PRKN: variants seen among roughly 807,000 people sequenced by gnomAD.
The protein encoded by PRKN is E3 ubiquitin-protein ligase parkin.
Under a neutral mutation model 59.5 loss-of-function variants are expected in PRKN, and 56 were observed. That is an observed-to-expected ratio of 0.94 (90% CI 0.76 to 1.18). The LOEUF (loss-of-function observed/expected upper bound fraction) is 1.18. PRKN is among the 50% of genes most tolerant of loss of function. PRKN has a pLI of 0.00. For missense variants in PRKN, 657 were observed against 596.4 expected (o/e 1.10, Z -1.06); for synonymous variants, 250 against 222.1 (o/e 1.13, Z -1.12).
intron 3 of PRKN, among the ~76,000 whole-genome samples, chr6:162,211,164 C>A (rs887044800): frequency 2.0e-5 from 3 of 152,146 alleles, no homozygotes; most frequent in Admixed American, 2.0e-4. Context: ...GGGACTGATT[C>A]CATGGCTCTT....
In PRKN at chr6:161,547,381, T is replaced by C. The variant is rs2115423030; in HGVS notation, c.1083+1473A>G. Reference sequence around the variant, plus strand: ...ATGATTTGCAGCTTAAGTATGTATGTTATTTACTTATAATTTACTTGTATA... The same window carrying C: ...ATGATTTGCAGCTTAAGTATGTATGCTATTTACTTATAATTTACTTGTATA... On this transcript the variant is annotated intron_variant, in intron 9 of 11. Coordinates refer to ENST00000366898, the MANE Select transcript of PRKN (RefSeq NM_004562.3). This position sits in a 1 kb window ranked among gnomAD's most constrained non-coding sequence, Gnocchi z 4.0. 6.6e-6 allele frequency among the ~76,000 whole-genome samples: 1 copy of C among 152,304 alleles called. No individual in the cohort carries two copies. Among genetic ancestry groups the C allele is most frequent in the Middle Eastern group, 3.4e-3 (1 of 294 alleles).
intron 6 of PRKN, among the ~76,000 whole-genome samples, chr6:161,880,679 C>T (rs1265956651): frequency 1.3e-5 from 2 of 152,104 alleles, no homozygotes; most frequent in Non-Finnish European, 1.5e-5. Flanking sequence ...ACAAGGAGGC[C>T]CACTTATATT....
intron 6 of PRKN, among the ~76,000 whole-genome samples, chr6:161,803,939 A>G (rs1791200261): frequency 6.6e-6 from 1 of 152,186 alleles, no homozygotes; most frequent in African/African-American, 2.4e-5. Context: ...AGAAGATGGA[A>G]CCAAAGAAGG....
At chr6:162,375,546 T>C (rs527400082) in intron 2 of PRKN, among the ~76,000 whole-genome samples, 4 of 152,158 alleles carry the variant, frequency 2.6e-5, no homozygotes, top group South Asian at 2.1e-4. Flanking sequence ...TGGAACGTTC[T>C]AGATTTTGGA....
At chr6:161,887,445 T>C (rs9365337) in intron 6 of PRKN, among the ~76,000 whole-genome samples, 1 of 151,970 alleles carries the variant, frequency 6.6e-6, no homozygotes. Flanking sequence ...GGACTATAAA[T>C]CCTATTTGTA....
intron 1 of PRKN, among the ~76,000 whole-genome samples, chr6:162,644,524 C>T (rs1778089579): frequency 1.3e-5 from 2 of 152,164 alleles, no homozygotes; most frequent in South Asian, 4.1e-4. Context: ...GAAGCCTTTT[C>T]CCAAAGCCTT....
intron 1 of PRKN, among the ~76,000 whole-genome samples, chr6:162,567,777 C>A (rs1335745927): frequency 3.9e-5 from 6 of 152,138 alleles, no homozygotes; most frequent in Non-Finnish European, 8.8e-5. Flanking sequence ...CTAAAAGTTA[C>A]ATGGCACCAC....
intron 1 of PRKN, among the ~76,000 whole-genome samples, chr6:162,470,891 G>T (rs1011464853): frequency 1.3e-5 from 2 of 151,694 alleles, no homozygotes; most frequent in Non-Finnish European, 2.9e-5. Flanking sequence ...TGAGTAACTG[G>T]TATTACAGGT....
At chr6:162,074,926 G>A (rs1778757091) in intron 4 of PRKN, among the ~76,000 whole-genome samples, 1 of 152,202 alleles carries the variant, frequency 6.6e-6, no homozygotes, top group Non-Finnish European at 1.5e-5. Flanking sequence ...AATTGAAACA[G>A]CAGTGATTTT....
At position 161,588,096 on chromosome 6, in the gene PRKN, C is replaced by T. The variant is rs1490793269; in HGVS notation, c.872-18680G>A. Reference sequence around the variant, plus strand: ...TAATTATTAGGATTAAAAATTTACTCTATGGGGGGCTGGGCGCGGTGGCTC... The same window carrying T: ...TAATTATTAGGATTAAAAATTTACTTTATGGGGGGCTGGGCGCGGTGGCTC... On this transcript the variant is annotated intron_variant, in intron 7 of 11. Coordinates refer to ENST00000366898, the MANE Select transcript of PRKN (RefSeq NM_004562.3). This position sits in a 1 kb window ranked among gnomAD's most constrained non-coding sequence, Gnocchi z 5.0. Among the ~76,000 whole-genome samples the T allele has an allele frequency of 6.6e-6, 1 of 152,106 alleles. No homozygotes were observed. Among genetic ancestry groups the T allele is most frequent in the Non-Finnish European group, 1.5e-5 (1 of 68,016 alleles).
At chr6:162,461,208 G>T (rs1050157074) in intron 1 of PRKN, among the ~76,000 whole-genome samples, 2 of 150,282 alleles carry the variant, frequency 1.3e-5, no homozygotes, top group Non-Finnish European at 3.0e-5. Flanking sequence ...AGAATGAAGA[G>T]AAAAAAAAGG....
chr6:161,906,676 G>GTATATATATATATATATA (rs1562381686), intron 6 of PRKN, among the ~76,000 whole-genome samples: 21 of 106,792 alleles, frequency 2.0e-4, no homozygotes, highest in African/African-American at 6.6e-4. Context: ...ATATATATAT[G>GTATATATATATATATATA]TATATATGAG....
intron 2 of PRKN, among the ~76,000 whole-genome samples, chr6:162,401,784 A>T (rs16893784): frequency 0.099 from 15,095 of 152,202 alleles, 902 homozygotes; most frequent in African/African-American, 0.17. Flanking sequence ...TTCTTTGTAA[A>T]TTTATTAACT....
At chr6:161,804,159 C>A (rs1276449416) in intron 6 of PRKN, among the ~76,000 whole-genome samples, 1 of 152,180 alleles carries the variant, frequency 6.6e-6, no homozygotes, top group Non-Finnish European at 1.5e-5. Context: ...CTAACAATCA[C>A]GAATAATGAA....
chr6:161,908,558 C>T (rs1778236227), intron 6 of PRKN, among the ~76,000 whole-genome samples: 2 of 151,256 alleles, frequency 1.3e-5, no homozygotes, highest in South Asian at 4.2e-4. Context: ...CCACACTTTA[C>T]TTATTCTTTT....
chr6:161,537,108 T>C (rs1016514048), intron 9 of PRKN, among the ~76,000 whole-genome samples: 6 of 152,230 alleles, frequency 3.9e-5, no homozygotes, highest in African/African-American at 1.4e-4. Context: ...AAAAGAGTTT[T>C]TGAGAAGCCT....
At chr6:162,364,616 C>G (rs1484383151) in intron 2 of PRKN, among the ~76,000 whole-genome samples, 1 of 152,186 alleles carries the variant, frequency 6.6e-6, no homozygotes, top group East Asian at 1.9e-4. Flanking sequence ...GGTGCCTTAT[C>G]TTGCAAGCTC....
chr6:162,260,201 C>T lies in PRKN; in HGVS notation c.412+2324G>A, dbSNP rs1161638842. 4.6e-5 allele frequency among the ~76,000 whole-genome samples: 7 copies of T among 152,036 alleles called. No homozygotes were observed. In the East Asian group the frequency reaches 1.4e-3, roughly 29 times the overall value. On this transcript the variant is annotated intron_variant, in intron 3 of 11. Transcript: ENST00000366898. Reference sequence around the variant, plus strand: ...GTTGCCTGAGCCAGTCCCTAGCCTGCCAAAAGCACAAGGCTGGCAGGCCAC... The same window carrying T: ...GTTGCCTGAGCCAGTCCCTAGCCTGTCAAAAGCACAAGGCTGGCAGGCCAC...
intron 9 of PRKN, among the ~76,000 whole-genome samples, chr6:161,531,313 A>G (rs921569621): frequency 6.6e-6 from 1 of 151,698 alleles, no homozygotes; most frequent in African/African-American, 2.4e-5. Flanking sequence ...CCCGGGAGGC[A>G]GAGCTTGCAG....
Sources: gnomAD v4.1 joint callset for allele counts (sites outside exome capture counted in the v4.1 genomes callset) on GRCh38, gnomAD v4.1.1 for gene constraint, Gnocchi (gnomAD v3.1) non-coding constraint, MANE v1.5 for transcripts, NCBI Gene and HGNC (gene_info 2026-07-23, HGNC 2026-07-21) for gene names.